The following MAP2K6 variants were observed in gnomAD, a reference collection of about 807,000 sequenced individuals.
MAP2K6 encodes the protein mitogen-activated protein kinase kinase 6.
Under a neutral mutation model 53.7 loss-of-function variants are expected in MAP2K6, and 16 were observed. The observed-to-expected ratio is 0.30, with a 90% CI of 0.20 to 0.45. The LOEUF is 0.45. MAP2K6 is among the 20% of genes least tolerant of loss of function. The pLI, the probability that MAP2K6 is intolerant of heterozygous loss-of-function variation, is 1.00. For missense variants in MAP2K6, 204 were observed against 411.9 expected, an observed-to-expected ratio of 0.50 and a Z score of 4.37; for synonymous variants, 132 against 143.1, an observed-to-expected ratio of 0.92 and a Z score of 0.55.
At chr17:69,415,111 C>T in intron 1 of MAP2K6, 111 bp downstream of exon 1, 1 of 996,740 alleles carries the variant, frequency 1.0e-6, no homozygotes, top group Non-Finnish European at 1.6e-6. Flanking sequence ...TGAGGTTTTC[C>T]ACAGCTCAGT....
chr17:69,531,627 T>C (rs575478429), intron 10 of MAP2K6, among the ~76,000 whole-genome samples: 1 of 152,192 alleles, frequency 6.6e-6, no homozygotes, highest in Non-Finnish European at 1.5e-5. Context: ...CAGTAACATC[T>C]GACAAATGTT....
chr17:69,445,014 G>A (rs896469103), intron 1 of MAP2K6, among the ~76,000 whole-genome samples: 1 of 152,138 alleles, frequency 6.6e-6, no homozygotes, highest in Non-Finnish European at 1.5e-5. Flanking sequence ...TCTGCCACCC[G>A]GGTTCAAGAG....
rs1169010065 is a variant in MAP2K6 at position 69,543,117 on chromosome 17, A to T, written c.*1364A>T. On this transcript the variant is annotated 3_prime_UTR_variant, in exon 12 of 12. Coordinates refer to ENST00000590474, the MANE Select transcript of MAP2K6 (RefSeq NM_002758.4). The stretch of plus-strand genomic sequence containing the variant: ...TATACCCACAGGTTCTATGATTTGT[A>T]GCTCTAGGTTTCTTGATGATCAAGG... 6.6e-6 allele frequency: 1 copy of T among 152,208 alleles called. No individual in the cohort carries two copies. The highest frequency in any genetic ancestry group is 2.4e-5 in the African/African-American group (1 of 41,438). 9.4% of individuals were successfully genotyped at this position (152,208 alleles called of 1,614,324 possible).
At chr17:69,508,616 G>A (rs1388385764) in intron 2 of MAP2K6, among the ~76,000 whole-genome samples, 2 of 152,106 alleles carry the variant, frequency 1.3e-5, no homozygotes, top group Admixed American at 6.5e-5. Flanking sequence ...TATGCTTTTA[G>A]CAGGGTCTTT....
rs2145181665 is a variant in MAP2K6, at chr17:69,471,713, C to G, written c.17-34067C>G. 2.6e-5 allele frequency among the ~76,000 whole-genome samples: 4 copies of G among 152,150 alleles called. No individual in the cohort carries two copies. The South Asian group carries it at 8.3e-4, about 32-fold the overall frequency. On this transcript the variant is annotated intron_variant, in intron 1 of 11. Transcript: ENST00000590474. ...AGGAAAACAAAAAAACCCAAAATAG[C>G]AAATAAAAAATTCCATAAATAATTC...
At chr17:69,419,558 T>G (rs373104694) in intron 1 of MAP2K6, among the ~76,000 whole-genome samples, 1 of 152,340 alleles carries the variant, frequency 6.6e-6, no homozygotes, top group East Asian at 1.9e-4. Context: ...ATAAGGCAGT[T>G]GCATTTTTCA....
chr17:69,496,127 T>C (rs1908936907), intron 1 of MAP2K6, among the ~76,000 whole-genome samples: 1 of 152,142 alleles, frequency 6.6e-6, no homozygotes. Flanking sequence ...ATAAAACCCA[T>C]TTGAGCACTT....
intron 1 of MAP2K6, among the ~76,000 whole-genome samples, chr17:69,473,778 A>G (rs962177356): frequency 2.6e-5 from 4 of 152,198 alleles, no homozygotes; most frequent in African/African-American, 9.7e-5. Context: ...AAATGTAAAA[A>G]TGTGTTCAGG....
At chr17:69,429,977 A>T (rs1906404629) in intron 1 of MAP2K6, among the ~76,000 whole-genome samples, 1 of 152,336 alleles carries the variant, frequency 6.6e-6, no homozygotes, top group Admixed American at 6.5e-5. Context: ...GGTGAGCAGC[A>T]GAGGCTCAGC....
intron 1 of MAP2K6, among the ~76,000 whole-genome samples, chr17:69,463,266 A>G: frequency 6.6e-6 from 1 of 151,084 alleles, no homozygotes; most frequent in Non-Finnish European, 1.5e-5. Flanking sequence ...ACGTACATAT[A>G]TGTATGTGTG....
intron 1 of MAP2K6, among the ~76,000 whole-genome samples, chr17:69,450,701 ATT>A (rs746673203): frequency 4.2e-5 from 6 of 143,946 alleles, no homozygotes; most frequent in African/African-American, 5.1e-5. Flanking sequence ...AGTGGGGCCA[ATT>A]TTTTTTTTTT....
At chr17:69,541,219 C>T (rs1414772030) in intron 11 of MAP2K6, among the ~76,000 whole-genome samples, 1 of 152,128 alleles carries the variant, frequency 6.6e-6, no homozygotes, top group South Asian at 2.1e-4. Context: ...GCCAAGATCG[C>T]ACCACTGCAC....
At position 69,414,723 on chromosome 17, in the gene MAP2K6, C is replaced by A; in HGVS notation, c.-262C>A. 2.3e-6 allele frequency: 1 copy of A among 427,688 alleles called. No homozygotes were observed. The highest frequency in any genetic ancestry group is 4.2e-6 in the Non-Finnish European group (1 of 236,654). The allele number at this position is 427,688 out of a possible 1,614,324, so 26.5% of individuals were successfully genotyped here. A position where few individuals can be genotyped will look rare whatever the true frequency, so the allele number is the denominator to read the frequency against. On this transcript the variant is annotated 5_prime_UTR_variant, in exon 1 of 12. Coordinates refer to ENST00000590474, the MANE Select transcript of MAP2K6 (RefSeq NM_002758.4). ...GTTCCAAGTTTGGAGCTTTTAGCTG[C>A]CAGCCCTGGCCCATCATGTAGCTGC...
intron 1 of MAP2K6, among the ~76,000 whole-genome samples, chr17:69,423,768 T>C (rs560019710): frequency 6.6e-6 from 1 of 152,324 alleles, no homozygotes; most frequent in South Asian, 2.1e-4. Context: ...GCTTTATATT[T>C]CTTTCCTTTT....
chr17:69,495,918 G>A (rs1334355865), intron 1 of MAP2K6, among the ~76,000 whole-genome samples: 1 of 152,006 alleles, frequency 6.6e-6, no homozygotes, highest in Non-Finnish European at 1.5e-5. Flanking sequence ...AAATGAGGAA[G>A]GAGATGAACC....
chr17:69,469,123 C>G (rs1293584614), intron 1 of MAP2K6, among the ~76,000 whole-genome samples: 1 of 152,188 alleles, frequency 6.6e-6, no homozygotes, highest in Non-Finnish European at 1.5e-5. Flanking sequence ...TGTTTTCTTG[C>G]TGGCTGTCAG....
Position 69,494,776 on chromosome 17 carries a change from C to T in MAP2K6, c.17-11004C>T, listed in dbSNP as rs1157037232. On this transcript the variant is annotated intron_variant, in intron 1 of 11. Transcript: ENST00000590474. The surrounding 1 kb of genome is among the most constrained non-coding windows in gnomAD (Gnocchi z 4.2). ...ATCCCAGCACTTTGGGAGGCTGGGGCGGGTGGATCACCTGAGGTCAGGAAT... is the reference window on the plus strand; with the variant it reads ...ATCCCAGCACTTTGGGAGGCTGGGGTGGGTGGATCACCTGAGGTCAGGAAT... Among the ~76,000 whole-genome samples, 8 of 151,850 alleles carry T rather than the reference C, an allele frequency of 5.3e-5. No homozygotes were observed. The South Asian group carries it at 8.3e-4, about 16-fold the overall frequency.
At chr17:69,521,273 T>C (rs1910452154) in intron 7 of MAP2K6, 173 bp downstream of exon 7, 1 of 499,942 alleles carries the variant, frequency 2.0e-6, no homozygotes, top group Non-Finnish European at 3.6e-6. Context: ...GTATTCCTTA[T>C]CATGGCTGAG....
chr17:69,520,142 G>A (rs893184259), intron 5 of MAP2K6, 128 bp from the exon 6 acceptor site: 1 of 607,946 alleles, frequency 1.6e-6, no homozygotes. Context: ...AGAAGACACT[G>A]TATTTCCCCC....
Sources: allele counts gnomAD v4.1 joint callset (sites outside exome capture counted in the v4.1 genomes callset), GRCh38; gene constraint gnomAD v4.1.1; non-coding constraint Gnocchi (gnomAD v3.1); transcripts MANE v1.5; gene names NCBI Gene and HGNC (gene_info 2026-07-23, HGNC 2026-07-21).